Variants in OR1D2 observed in about 807,000 individuals in gnomAD.
OR1D2 encodes the protein olfactory receptor family 1 subfamily D member 2.
For missense variants in OR1D2, 357 were observed against 376.1 expected, an observed-to-expected ratio of 0.95 and a Z score of 0.42; for synonymous variants, 157 against 153.9, an observed-to-expected ratio of 1.02 and a Z score of -0.15.
chr17:3,094,944 A>G (rs2047836474), intron 1 of OR1D2, among the ~76,000 whole-genome samples: 1 of 152,086 alleles, frequency 6.6e-6, no homozygotes, highest in Non-Finnish European at 1.5e-5. Flanking sequence ...GCATTCTTTA[A>G]GATAGATTGA....
intron 1 of OR1D2, among the ~76,000 whole-genome samples, chr17:3,094,320 G>A (rs1331300056): frequency 6.6e-6 from 1 of 152,066 alleles, no homozygotes; most frequent in Non-Finnish European, 1.5e-5. Flanking sequence ...ATACTATAGT[G>A]TGCCTTTTTT....
chr17:3,093,043 A>G lies in OR1D2; in HGVS notation c.-47T>C, dbSNP rs767333316. The G allele has an allele frequency of 1.9e-5, 29 of 1,542,734 alleles. No homozygotes were observed. Among genetic ancestry groups the G allele is most frequent in the Non-Finnish European group, 2.4e-5 (27 of 1,127,484 alleles). ...TTAACACCAGCAAATGTTTACCAAAAGTCCTTAATTGAATAAAAACATGAA... is the reference window on the plus strand; with the variant it reads ...TTAACACCAGCAAATGTTTACCAAAGGTCCTTAATTGAATAAAAACATGAA... On this transcript the variant is annotated 5_prime_UTR_variant, in exon 2 of 2. Transcript: ENST00000641833.
chr17:3,093,007 C>A lies in OR1D2; in HGVS notation c.-11G>T, dbSNP rs1450307987. 6.2e-7 allele frequency: 1 copy of A among 1,611,976 alleles called. No individual in the cohort carries two copies. Among genetic ancestry groups the A allele is most frequent in the East Asian group, 2.2e-5 (1 of 44,888 alleles). ...GTTGCCTCCATCCATTTCCCCAACT[C>A]TCTTTTAACATTAACACCAGCAAAT... is the stretch of plus-strand genomic sequence containing the variant. On this transcript the variant is annotated 5_prime_UTR_variant, in exon 2 of 2. Coordinates refer to ENST00000641833, the MANE Select transcript of OR1D2 (RefSeq NM_002548.3).
At chr17:3,095,708 TTTC>T (rs2047841282) in intron 1 of OR1D2, among the ~76,000 whole-genome samples, 1 of 151,962 alleles carries the variant, frequency 6.6e-6, no homozygotes, top group Non-Finnish European at 1.5e-5. Context: ...AAATTCATAT[TTTC>T]TTGTTTTTTC....
intron 1 of OR1D2, among the ~76,000 whole-genome samples, chr17:3,102,453 A>G (rs2151709025): frequency 6.6e-6 from 1 of 152,334 alleles, no homozygotes. Flanking sequence ...CATTAGACAC[A>G]CACATACATA....
Position 3,091,646 on chromosome 17 carries a change from T to G in OR1D2, c.*412A>C. On this transcript the variant is annotated 3_prime_UTR_variant, in exon 2 of 2. Coordinates refer to ENST00000641833, the MANE Select transcript of OR1D2 (RefSeq NM_002548.3). ...CACGTGCTGGATCAGCTGATACAAA[T>G]ATGTATGATTGCAATCTCTTTCAAA... 1 of 171,794 alleles carries G rather than the reference T, an allele frequency of 5.8e-6. No homozygotes were observed. The highest frequency in any genetic ancestry group is 2.4e-5 in the African/African-American group (1 of 41,938). The allele number at this position is 171,794 out of a possible 1,614,324, so 10.6% of individuals were successfully genotyped here.
At chr17:3,096,885 G>A (rs57292225) in intron 1 of OR1D2, among the ~76,000 whole-genome samples, 1,818 of 152,252 alleles carry the variant, frequency 0.012, 34 homozygotes, top group African/African-American at 0.042. Flanking sequence ...TCTATGTAAC[G>A]CTCTGCCCAA....
chr17:3,096,741 C>T (rs1196630808), intron 1 of OR1D2, among the ~76,000 whole-genome samples: 1 of 152,172 alleles, frequency 6.6e-6, no homozygotes, highest in African/African-American at 2.4e-5. Flanking sequence ...GAAATGAAGA[C>T]AGAAATGTGT....
intron 1 of OR1D2, among the ~76,000 whole-genome samples, chr17:3,094,157 A>T (rs1490587619): frequency 1.3e-5 from 2 of 152,210 alleles, no homozygotes; most frequent in African/African-American, 2.4e-5. Flanking sequence ...ATTAGCCGGT[A>T]AATTCTGCAT....
rs1356829847 is a variant in OR1D2, at chr17:3,092,327, C to T, written c.670G>A (p.Ala224Thr). ...GAGACTGAGGGTATTCTGAGGATGG[C>T]TCTGATAATCAGCACATAGGAAATG... ...VIISYVLIIR[A>T]ILRIPSVSKK... The change falls in exon 2 of 2, where the codon GCC becomes ACC. Residue 224 changes from alanine (A) to threonine (T), a missense_variant. Ala to Thr is a moderately conservative substitution (Grantham distance 58). Transcript: ENST00000641833. The T allele has an allele frequency of 6.2e-7, 1 of 1,614,158 alleles. No homozygotes were observed. Among genetic ancestry groups the T allele is most frequent in the Admixed American group, 1.7e-5 (1 of 60,028 alleles).
intron 1 of OR1D2, among the ~76,000 whole-genome samples, chr17:3,095,167 T>G (rs1013696834): frequency 6.6e-6 from 1 of 151,982 alleles, no homozygotes; most frequent in African/African-American, 2.4e-5. Context: ...CTCGACAAAC[T>G]TTAGGCAGAA....
chr17:3,092,965 T>G lies in OR1D2; in HGVS notation c.32A>C (p.Glu11Ala), dbSNP rs2047824710. Residue 11 changes from glutamate to alanine, a missense_variant, in exon 2 of 2, where the codon GAG (glutamate) becomes GCG (alanine). By Grantham distance (107) the Glu-to-Ala change is moderately radical. Coordinates refer to ENST00000641833, the MANE Select transcript of OR1D2 (RefSeq NM_002548.3). Reference sequence around the variant, plus strand: ...CTCTGACATCCCCAGGAGAAGGAACTCTGAACCTTCACTCTGGTTGCCTCC... The same window carrying G: ...CTCTGACATCCCCAGGAGAAGGAACGCTGAACCTTCACTCTGGTTGCCTCC... The part of the protein sequence containing the change: MDGGNQSEGS[E>A]FLLLGMSESP... 6.2e-7 allele frequency: 1 copy of G among 1,613,852 alleles called. No homozygotes were observed. Among genetic ancestry groups the G allele is most frequent in the Admixed American group, 1.7e-5 (1 of 59,972 alleles).
chr17:3,103,404 C>G (rs1439530961), intron 1 of OR1D2, among the ~76,000 whole-genome samples: 2 of 152,088 alleles, frequency 1.3e-5, no homozygotes, highest in African/African-American at 4.8e-5. Flanking sequence ...TTGCATCTGG[C>G]CAGATACCTC....
At position 3,092,761 on chromosome 17, in the gene OR1D2, G is replaced by C; in HGVS notation, c.236C>G (p.Pro79Arg). The stretch of plus-strand genomic sequence containing the variant: ...GGACTGGAGGTTCACCAGCATCTTG[G>C]GGATTGTGTTGGTGACAAAGAAGAG... ...TDLFFVTNTI[P>R]KMLVNLQSHN... is the part of the protein sequence containing the mutation. The change falls in exon 2 of 2, where the codon CCC becomes CGC. Residue 79 changes from proline to arginine, a missense_variant. Pro to Arg is a moderately radical substitution (Grantham distance 103). Coordinates refer to ENST00000641833, the MANE Select transcript of OR1D2 (RefSeq NM_002548.3). The C allele has an allele frequency of 6.2e-7, 1 of 1,614,120 alleles. No individual in the cohort carries two copies. The highest frequency in any genetic ancestry group is 8.5e-7 in the Non-Finnish European group (1 of 1,180,028).
At chr17:3,097,838 G>A (rs1392163440) in intron 1 of OR1D2, among the ~76,000 whole-genome samples, 1 of 152,152 alleles carries the variant, frequency 6.6e-6, no homozygotes, top group East Asian at 1.9e-4. Context: ...TTCCCCTGCC[G>A]GAGCCTGGGA....
chr17:3,096,812 A>G (rs541758432), intron 1 of OR1D2, among the ~76,000 whole-genome samples: 3 of 149,252 alleles, frequency 2.0e-5, no homozygotes, highest in African/African-American at 7.6e-5. Flanking sequence ...TAGAACAACT[A>G]GAAAGATCAA....
intron 1 of OR1D2, among the ~76,000 whole-genome samples, chr17:3,103,175 G>A (rs1430533622): frequency 6.6e-6 from 1 of 152,162 alleles, no homozygotes; most frequent in African/African-American, 2.4e-5. Context: ...ACTGAGGAAG[G>A]CCAGAGAACT....
At chr17:3,099,227 CAGGTTCTCCA>C (rs1284796899) in intron 1 of OR1D2, among the ~76,000 whole-genome samples, 1 of 152,102 alleles carries the variant, frequency 6.6e-6, no homozygotes, top group Non-Finnish European at 1.5e-5. Context: ...ACATAATCAT[CAGGTTCTCCA>C]AGGTCAAAGT....
Position 3,092,281 on chromosome 17 carries a change from G to C in OR1D2, c.716C>G (p.Ser239Cys), listed in dbSNP as rs2047815511. The change falls in exon 2 of 2, where the codon TCC (serine) becomes TGC (cysteine). Residue 239 changes from serine (S) to cysteine (C), a missense_variant. Transcript: ENST00000641833. ...PSVSKKYKAF[S>C]TCASHLGAVS... ...TGCACCCAAATGGGAGGCACAGGTGGAGAAGGCTTTGTATTTCTTAGAGAC... is the reference window on the plus strand; with the variant it reads ...TGCACCCAAATGGGAGGCACAGGTGCAGAAGGCTTTGTATTTCTTAGAGAC... 3 of 1,614,164 alleles carry C rather than the reference G, an allele frequency of 1.9e-6. No homozygotes were observed. Among genetic ancestry groups the C allele is most frequent in the East Asian group, 2.2e-5 (1 of 44,882 alleles).
Sources: gnomAD v4.1 joint callset for allele counts (sites outside exome capture counted in the v4.1 genomes callset) on GRCh38, gnomAD v4.1.1 for gene constraint, MANE v1.5 for transcripts, NCBI Gene and HGNC (gene_info 2026-07-23, HGNC 2026-07-21) for gene names.